PTCH1: variants seen among roughly 807,000 people sequenced by gnomAD.
PTCH1 encodes the protein patched 1, also known as protein patched homolog 1.
PTCH1 carries 14 observed loss-of-function variants against 144.6 expected under a neutral mutation model. That is an observed-to-expected ratio of 0.10 (90% confidence interval 0.06 to 0.15). The LOEUF is 0.15. Among genes scored for constraint, PTCH1 ranks in the 10% least tolerant of loss-of-function variants. The probability of loss-of-function intolerance (pLI) is 1.00; values close to 1 mark genes in which losing one functional copy is unlikely to be tolerated. For synonymous variants in PTCH1, 833 were observed against 793.6 expected, an observed-to-expected ratio of 1.05 and a Z score of -0.83; for missense variants, 1,623 against 1,948.3, an observed-to-expected ratio of 0.83 and a Z score of 3.14.
rs587780708 is a variant in PTCH1 at position 95,508,306 on chromosome 9, C to T, written c.56G>A (p.Gly19Asp). 15 of 1,407,286 alleles carry T rather than the reference C, an allele frequency of 1.1e-5. No individual in the cohort carries two copies. The highest frequency in any genetic ancestry group is 6.6e-5 in the Admixed American group (2 of 30,164). The allele number at this position is 1,407,286 out of a possible 1,614,324, so 87.2% of individuals were successfully genotyped here. The part of the protein sequence containing the change: ...EPQDRGGGGS[G>D]CIGAPGRPAG... The stretch of plus-strand genomic sequence containing the variant: ...CGGCCGTCCCGGGGCACCGATACAG[C>T]CGCTGCCGCCGCCGCCGCGGTCCTG... The change falls in exon 1 of 24, where the codon GGC (glycine) becomes GAC (aspartate). Residue 19 changes from glycine to aspartate, a missense_variant. Physicochemically the swap from Gly to Asp is moderately conservative, Grantham distance 94 (BLOSUM62 -1). Transcript: ENST00000331920.
At chr9:95,490,519 T>TCACA (rs536111739) in intron 2 of PTCH1, among the ~76,000 whole-genome samples, 1,241 of 119,902 alleles carry the variant, frequency 0.01, 25 homozygotes, top group East Asian at 0.033. Flanking sequence ...ACCTTCTATG[T>TCACA]GACACACACA....
At chr9:95,473,542 ATTTTT>A (rs34481207) in intron 12 of PTCH1, among the ~76,000 whole-genome samples, 1 of 119,026 alleles carries the variant, frequency 8.4e-6, no homozygotes, top group Non-Finnish European at 1.7e-5. Context: ...TTTCTATCCT[ATTTTT>A]TTTTTTTTTT....
Position 95,477,785 on chromosome 9 carries a change from C to T in PTCH1, c.1348-83G>A, listed in dbSNP as rs540215380. ...TTCTAATGTTTCCCTCCACCCATCACCCCAAATCAAAAGGCAGAACTTATC... is the reference window on the plus strand; with the variant it reads ...TTCTAATGTTTCCCTCCACCCATCATCCCAAATCAAAAGGCAGAACTTATC... On this transcript the variant is annotated intron_variant, in intron 9 of 23. Coordinates refer to ENST00000331920, the MANE Select transcript of PTCH1 (RefSeq NM_000264.5). 4.2e-5 allele frequency: 65 copies of T among 1,559,828 alleles called. No individual in the cohort carries two copies. In the South Asian group the frequency reaches 4.9e-4, roughly 12 times the overall value.
chr9:95,479,934 T>G (rs1564054353), intron 7 of PTCH1, 35 bp downstream of exon 7: 1 of 1,614,160 alleles, frequency 6.2e-7, no homozygotes, highest in Non-Finnish European at 8.5e-7. Flanking sequence ...GGAAGAAGAC[T>G]ACAGGGCATA....
At chr9:95,486,908 G>C (rs989598322) in intron 2 of PTCH1, among the ~76,000 whole-genome samples, 1 of 152,176 alleles carries the variant, frequency 6.6e-6, no homozygotes, top group Non-Finnish European at 1.5e-5. Flanking sequence ...CAAAGGAAGC[G>C]GGTCTGAATT....
chr9:95,470,693 A>G (rs1438164369), intron 12 of PTCH1, among the ~76,000 whole-genome samples: 2 of 152,160 alleles, frequency 1.3e-5, no homozygotes. Context: ...AAGTCGACCC[A>G]GCTCGGAAGG....
At position 95,449,945 on chromosome 9, in the gene PTCH1, G is replaced by A. The variant is rs2136608556; in HGVS notation, c.3450-5C>T. ...GCCAGCACAGCAAAGAAATACCTGGGAGATCAAGAGGAAACGGGAACACGC... is the reference window on the plus strand; with the variant it reads ...GCCAGCACAGCAAAGAAATACCTGGAAGATCAAGAGGAAACGGGAACACGC... On this transcript the variant is annotated splice_region_variant and splice_polypyrimidine_tract_variant and intron_variant, in intron 20 of 23. Transcript: ENST00000331920. The surrounding 1 kb of genome is among the most constrained non-coding windows in gnomAD (Gnocchi z 5.3). The A allele has an allele frequency of 6.2e-7, 1 of 1,613,074 alleles. No individual in the cohort carries two copies.
At chr9:95,466,948 G>A (rs544397956) in intron 15 of PTCH1, among the ~76,000 whole-genome samples, 168 bp downstream of exon 15, 1 of 152,352 alleles carries the variant, frequency 6.6e-6, no homozygotes, top group African/African-American at 2.4e-5. Flanking sequence ...AGATCTGGGA[G>A]GCTGCTGCAG....
chr9:95,499,814 C>T (rs577090152), intron 2 of PTCH1, among the ~76,000 whole-genome samples: 11 of 152,152 alleles, frequency 7.2e-5, no homozygotes, highest in African/African-American at 2.7e-4. Flanking sequence ...CCGAGGAGAA[C>T]TGAACACTCA....
At chr9:95,460,886 A>C (rs1031461938) in intron 16 of PTCH1, among the ~76,000 whole-genome samples, 1 of 152,088 alleles carries the variant, frequency 6.6e-6, no homozygotes, top group Admixed American at 6.5e-5. Flanking sequence ...CATCCTTGGG[A>C]AACGTGATGG....
At chr9:95,491,651 TCATGGTTTCTGAGCA>T (rs1200736921) in intron 2 of PTCH1, among the ~76,000 whole-genome samples, 1 of 152,150 alleles carries the variant, frequency 6.6e-6, no homozygotes, top group African/African-American at 2.4e-5. Flanking sequence ...CCTGCGAGCC[TCATGGTTTCTGAGCA>T]CCAGCTGAGA....
intron 1 of PTCH1, chr9:95,506,833 C>T (rs1843697587): frequency 3.4e-6 from 4 of 1,180,144 alleles, no homozygotes; most frequent in Non-Finnish European, 4.2e-6. Context: ...TCAGGGCGCC[C>T]CCACCCGCGG....
chr9:95,459,970 G>A (rs1221046736), intron 16 of PTCH1, 187 bp from the exon 17 acceptor site: 9 of 676,578 alleles, frequency 1.3e-5, no homozygotes, highest in Non-Finnish European at 2.3e-5. Context: ...ATCGGAGGAT[G>A]CAATCACTGG....
chr9:95,446,720 G>A (rs1837927619), intron 23 of PTCH1, 191 bp downstream of exon 23: 6 of 716,376 alleles, frequency 8.4e-6, no homozygotes, highest in Non-Finnish European at 1.4e-5. Context: ...GTGTGGAGCT[G>A]GACTGGTTCC....
intron 6 of PTCH1, 107 bp from the exon 7 acceptor site, chr9:95,480,197 T>C: frequency 1.3e-6 from 2 of 1,574,180 alleles, no homozygotes; most frequent in Non-Finnish European, 1.7e-6. Flanking sequence ...AGAACATTAA[T>C]AGCAAGGCTA....
rs1298467711 is a variant in PTCH1, at chr9:95,447,442, G to A, written c.3814C>T (p.Pro1272Ser). 1 of 1,587,606 alleles carries A rather than the reference G, an allele frequency of 6.3e-7. No homozygotes were observed. Reference sequence around the variant, plus strand: ...GAGGGTGGGTGATGCCTGGATTCGGGATGGACCACCTGCAGAGGGTGAGGG... The same window carrying A: ...GAGGGTGGGTGATGCCTGGATTCGGAATGGACCACCTGCAGAGGGTGAGGG... ...PVFAHSTVVHPESRHHPPSNP... is the reference protein window; with the variant it reads ...PVFAHSTVVHSESRHHPPSNP... The change falls in exon 23 of 24, where the codon CCC becomes TCC. Residue 1272 changes from proline to serine, a missense_variant. Physicochemically the swap from Pro to Ser is moderately conservative, Grantham distance 74. Coordinates refer to ENST00000331920, the MANE Select transcript of PTCH1 (RefSeq NM_000264.5).
chr9:95,495,539 C>G (rs1842730684), intron 2 of PTCH1, among the ~76,000 whole-genome samples: 1 of 151,820 alleles, frequency 6.6e-6, no homozygotes. Context: ...ACAAAAAGCC[C>G]ACAAAAGCTT....
exon 1 of PTCH1, chr9:95,516,679 C>A: frequency 6.3e-7 from 1 of 1,592,940 alleles, no homozygotes; most frequent in Non-Finnish European, 8.6e-7. Flanking sequence ...CCTCCGTTTT[C>A]TTCTTCTTCT....
At position 95,481,961 on chromosome 9, in the gene PTCH1, G is replaced by C. The variant is rs1841570436; in HGVS notation, c.734C>G (p.Thr245Arg). 1.2e-6 allele frequency: 2 copies of C among 1,611,498 alleles called. No individual in the cohort carries two copies. The highest frequency in any genetic ancestry group is 1.7e-4 in the Middle Eastern group (1 of 6,060). The change falls in exon 5 of 24, where the codon ACA (threonine) becomes AGA (arginine). Residue 245 changes from threonine to arginine, a missense_variant. Transcript: ENST00000331920. ...ATCACACACTTACAGGAGGTATGCT[G>C]TCCCAGACTGTAATTTCGCCCCTTC... is the stretch of plus-strand genomic sequence containing the variant. ...FWEGAKLQSGTAYLLGKPPLR... is the reference protein window; with the variant it reads ...FWEGAKLQSGRAYLLGKPPLR...
Sources: gnomAD v4.1 joint callset for allele counts (sites outside exome capture counted in the v4.1 genomes callset) on GRCh38, gnomAD v4.1.1 for gene constraint, Gnocchi (gnomAD v3.1) non-coding constraint, MANE v1.5 for transcripts, NCBI Gene and HGNC (gene_info 2026-07-23, HGNC 2026-07-21) for gene names.